The following SPTBN1 variants were observed in gnomAD, a reference collection of about 807,000 sequenced individuals.
SPTBN1 encodes spectrin beta chain, non-erythrocytic 1.
Under a neutral mutation model 266.4 loss-of-function variants are expected in SPTBN1, and 32 were observed. That is an observed-to-expected ratio of 0.12 (90% CI 0.09 to 0.16). The LOEUF (loss-of-function observed/expected upper bound fraction) is 0.16. Ranked by LOEUF, SPTBN1 falls within the 10% of genes least tolerant of loss-of-function variation. The probability of loss-of-function intolerance (pLI) is 1.00; values close to 1 mark genes in which losing one functional copy is unlikely to be tolerated. For missense variants in SPTBN1, 2,296 were observed against 3,067.1 expected, an observed-to-expected ratio of 0.75 and a Z score of 5.94; for synonymous variants, 1,336 against 1,162.2, an observed-to-expected ratio of 1.15 and a Z score of -3.04.
At chr2:54,530,314 A>T (rs1300570574) in intron 2 of SPTBN1, among the ~76,000 whole-genome samples, 1 of 142,888 alleles carries the variant, frequency 7.0e-6, no homozygotes, top group Non-Finnish European at 1.5e-5. Flanking sequence ...CAGTTGACAG[A>T]TACTTCCTAT....
At chr2:54,582,874 A>G (rs996098823) in intron 2 of SPTBN1, among the ~76,000 whole-genome samples, 2 of 152,164 alleles carry the variant, frequency 1.3e-5, no homozygotes, top group African/African-American at 4.8e-5. Context: ...GAATTTTTCT[A>G]GGCTTGAATT....
At chr2:54,535,310 T>C (rs1671536427) in intron 2 of SPTBN1, among the ~76,000 whole-genome samples, 2 of 152,218 alleles carry the variant, frequency 1.3e-5, no homozygotes, top group Non-Finnish European at 2.9e-5. Flanking sequence ...GTTTTTAAAA[T>C]ATACTCAGAG....
intron 2 of SPTBN1, among the ~76,000 whole-genome samples, chr2:54,567,527 A>G (rs568111539): frequency 3.9e-5 from 6 of 151,924 alleles, no homozygotes; most frequent in Non-Finnish European, 8.8e-5. Flanking sequence ...AGGATTTTAA[A>G]TAGGAGAGGA....
At chr2:54,466,359 G>GAAAGTTCATGAGCCTATT (rs1558749596) in intron 1 of SPTBN1, among the ~76,000 whole-genome samples, 2 of 88,928 alleles carry the variant, frequency 2.2e-5, no homozygotes. Context: ...TTTATTCTTC[G>GAAAGTTCATGAGCCTATT]AGACCATCCT....
In SPTBN1 at chr2:54,574,292, C is replaced by T. The variant is rs114335347; in HGVS notation, c.149-24800C>T. Among the ~76,000 whole-genome samples the T allele has an allele frequency of 5.5e-3, 835 of 152,174 alleles. 14 individuals are homozygous for T. The highest frequency in any genetic ancestry group is 0.019 in the African/African-American group (785 of 41,506). ...GAATGCCATACAGTTATTAGTGTGG[C>T]GGAGCCGGCCTTTGCACCTGGCTGT... On this transcript the variant is annotated intron_variant, in intron 2 of 35. Coordinates refer to ENST00000356805, the MANE Select transcript of SPTBN1 (RefSeq NM_003128.3).
At chr2:54,498,880 G>A (rs776608504) in intron 1 of SPTBN1, among the ~76,000 whole-genome samples, 7 of 152,144 alleles carry the variant, frequency 4.6e-5, no homozygotes, top group African/African-American at 9.7e-5. Flanking sequence ...AAAGGGTAAC[G>A]GTCCCGCAGT....
At chr2:54,518,366 A>G (rs1670236305) in intron 1 of SPTBN1, among the ~76,000 whole-genome samples, 1 of 151,596 alleles carries the variant, frequency 6.6e-6, no homozygotes, top group South Asian at 2.1e-4. Context: ...TGACGAGGTA[A>G]TGGGTGCAGC....
chr2:54,556,681 GTGTGTGTT>G (rs1349699023), intron 2 of SPTBN1, among the ~76,000 whole-genome samples: 1 of 151,986 alleles, frequency 6.6e-6, no homozygotes, highest in Non-Finnish European at 1.5e-5. Context: ...TGGTGTGTGT[GTGTGTGTT>G]TGTGTGTGTG....
Position 54,622,670 on chromosome 2 carries a change from C to T in SPTBN1, c.1064+183C>T, listed in dbSNP as rs141012425. ...TATGATAGATCATGCTCTCTCTGAGCCCTTCCCAATATAAATGTGCCACTG... is the reference window on the plus strand; with the variant it reads ...TATGATAGATCATGCTCTCTCTGAGTCCTTCCCAATATAAATGTGCCACTG... On this transcript the variant is annotated intron_variant, in intron 9 of 35. Transcript: ENST00000356805. Among the ~76,000 whole-genome samples the T allele has an allele frequency of 2.8e-3, 422 of 152,278 alleles. 2 individuals carry two copies. The highest frequency in any genetic ancestry group is 9.7e-3 in the African/African-American group (401 of 41,548).
chr2:54,662,016 A>G, intron 32 of SPTBN1: 1 of 985,472 alleles, frequency 1.0e-6, no homozygotes, highest in Non-Finnish European at 1.2e-6. Flanking sequence ...TGAAAATAGC[A>G]TTGCTTCGTG....
At chr2:54,656,163 A>C (rs1252327963) in intron 29 of SPTBN1, among the ~76,000 whole-genome samples, 165 bp downstream of exon 29, 1 of 152,216 alleles carries the variant, frequency 6.6e-6, no homozygotes, top group African/African-American at 2.4e-5. Flanking sequence ...TACTTTTAAG[A>C]AGCTTCCTAT....
intron 2 of SPTBN1, among the ~76,000 whole-genome samples, chr2:54,567,868 C>A (rs906413082): frequency 2.6e-5 from 4 of 152,038 alleles, no homozygotes; most frequent in African/African-American, 9.7e-5. Flanking sequence ...AGACAGAAGA[C>A]CAGTGTTTTA....
Position 54,631,594 on chromosome 2 carries a change from G to T in SPTBN1, c.3547G>T (p.Ala1183Ser). 6.2e-7 allele frequency: 1 copy of T among 1,611,340 alleles called. No individual in the cohort carries two copies. The highest frequency in any genetic ancestry group is 8.5e-7 in the Non-Finnish European group (1 of 1,178,494). ...CCTCAGAGACACGAAGCAAGCCGAA[G>T]CCTTTCTTAACAACCAGGTAAGGTT... ...QFLRDTKQAE[A>S]FLNNQEYVLA... is the part of the protein sequence containing the mutation. Residue 1183 changes from alanine (A) to serine (S), a missense_variant, in exon 16 of 36, where the codon GCC becomes TCC. Physicochemically the swap from Ala to Ser is moderately conservative, Grantham distance 99 (BLOSUM62 1). Around this residue, in one of 12 missense-constraint regions of SPTBN1, gnomAD observed 386 missense variants for 486.1 expected, o/e 0.79. Transcript: ENST00000356805.
At chr2:54,521,317 T>C (rs1295512920) in intron 1 of SPTBN1, among the ~76,000 whole-genome samples, 1 of 152,232 alleles carries the variant, frequency 6.6e-6, no homozygotes, top group Non-Finnish European at 1.5e-5. Context: ...CTTTCCATGA[T>C]GGCTATGGTG....
chr2:54,612,057 C>T (rs1006406747), intron 3 of SPTBN1, 104 bp from the exon 4 acceptor site: 23 of 1,110,834 alleles, frequency 2.1e-5, no homozygotes, highest in African/African-American at 1.6e-4. Flanking sequence ...CTGCTCTGAG[C>T]GGGAGAGCAT....
At chr2:54,475,163 G>A (rs554853317) in intron 1 of SPTBN1, among the ~76,000 whole-genome samples, 2 of 152,222 alleles carry the variant, frequency 1.3e-5, no homozygotes, top group East Asian at 1.9e-4. Flanking sequence ...CTGAGATCGC[G>A]CCACTGCACT....
intron 2 of SPTBN1, among the ~76,000 whole-genome samples, chr2:54,556,365 G>A (rs563653474): frequency 2.6e-5 from 4 of 152,298 alleles, no homozygotes; most frequent in African/African-American, 9.6e-5. Flanking sequence ...GTGTGGCTAC[G>A]TTCGTCCCAG....
intron 2 of SPTBN1, chr2:54,529,659 A>G (rs772354277): frequency 8.3e-6 from 6 of 721,458 alleles, no homozygotes; most frequent in African/African-American, 5.2e-5. Flanking sequence ...GTTAAAGCCA[A>G]CAAGCACCAG....
chr2:54,642,829 G>C lies in SPTBN1; in HGVS notation c.3859-154G>C, dbSNP rs181872047. ...GCTCCATCTAATGGACACCTGTCAT[G>C]ACGGGTCAGAGTTGTGAAGTTAAAT... is the stretch of plus-strand genomic sequence containing the variant. On this transcript the variant is annotated intron_variant, in intron 18 of 35. Coordinates refer to ENST00000356805, the MANE Select transcript of SPTBN1 (RefSeq NM_003128.3). Among the ~76,000 whole-genome samples the C allele has an allele frequency of 1.6e-3, 242 of 152,310 alleles. 2 individuals are homozygous for C. The highest frequency in any genetic ancestry group is 5.2e-3 in the African/African-American group (215 of 41,560).
Sources: gnomAD v4.1 joint callset for allele counts (sites outside exome capture counted in the v4.1 genomes callset) on GRCh38, gnomAD v4.1.1 for gene constraint, gnomAD v4.1.1 regional missense constraint, MANE v1.5 for transcripts, NCBI Gene and HGNC (gene_info 2026-07-23, HGNC 2026-07-21) for gene names.